UBE3C: variants seen among roughly 807,000 people sequenced by gnomAD.
UBE3C encodes the protein ubiquitin protein ligase E3C, also known as ubiquitin-protein ligase E3C.
In UBE3C, 42 loss-of-function variants were observed where a neutral mutation model predicts 129.4. The observed-to-expected ratio is 0.32, with a 90% confidence interval of 0.25 to 0.42. The LOEUF is 0.42. Among genes scored for constraint, UBE3C ranks in the 10% least tolerant of loss-of-function variants. The pLI, the probability that UBE3C is intolerant of heterozygous loss-of-function variation, is 1.00. For missense variants in UBE3C, 1,049 were observed against 1,319.1 expected (o/e 0.80, Z 3.17); for synonymous variants, 510 against 492.4 (o/e 1.04, Z -0.47).
chr7:157,159,723 C>T (rs1279403599), intron 1 of UBE3C, among the ~76,000 whole-genome samples: 3 of 152,056 alleles, frequency 2.0e-5, no homozygotes, highest in South Asian at 4.1e-4. Context: ...CAGAAACAGC[C>T]GAGCGTGGTG....
chr7:157,168,283 G>A (rs988992687), intron 2 of UBE3C, among the ~76,000 whole-genome samples: 1 of 150,978 alleles, frequency 6.6e-6, no homozygotes, highest in African/African-American at 2.4e-5. Context: ...CCCAGGAGGC[G>A]GAGCTTGCAG....
intron 19 of UBE3C, among the ~76,000 whole-genome samples, chr7:157,250,982 TA>T (rs1451817630): frequency 6.6e-6 from 1 of 152,220 alleles, no homozygotes; most frequent in Admixed American, 6.5e-5. Flanking sequence ...TGGAATCTGT[TA>T]AAAGCAAAAG....
chr7:157,236,937 G>A (rs1437616737), intron 18 of UBE3C, among the ~76,000 whole-genome samples: 1 of 151,880 alleles, frequency 6.6e-6, no homozygotes, highest in Admixed American at 6.6e-5. Flanking sequence ...TCATCATGTT[G>A]GCCAAGCTGG....
At chr7:157,246,270 G>C (rs1005445492) in intron 18 of UBE3C, among the ~76,000 whole-genome samples, 1 of 152,194 alleles carries the variant, frequency 6.6e-6, no homozygotes, top group South Asian at 2.1e-4. Flanking sequence ...ACGGTAACTG[G>C]TTGGAAGCTG....
chr7:157,225,604 G>T lies in UBE3C; in HGVS notation c.2233+65G>T. 3 of 1,472,860 alleles carry T rather than the reference G, an allele frequency of 2.0e-6. No homozygotes were observed. The African/African-American group carries it at 4.3e-5, about 21-fold the overall frequency. 91.2% of individuals were successfully genotyped at this position (1,472,860 alleles called of 1,614,324 possible). A position where few individuals can be genotyped will look rare whatever the true frequency, so the allele number is the denominator to read the frequency against. On this transcript the variant is annotated intron_variant, in intron 17 of 22. Transcript: ENST00000348165. Reference sequence around the variant, plus strand: ...GGCTAGGGAATTGTTTTAGAAAATGGTGGTTCTTTAAAAATTAGTGTCCAT... The same window carrying T: ...GGCTAGGGAATTGTTTTAGAAAATGTTGGTTCTTTAAAAATTAGTGTCCAT...
chr7:157,193,865 A>G (rs1417023519), intron 10 of UBE3C, among the ~76,000 whole-genome samples: 6 of 152,214 alleles, frequency 3.9e-5, no homozygotes, highest in African/African-American at 1.2e-4. Context: ...GCAAAACACT[A>G]CATAGCACAC....
chr7:157,145,241 CAAA>C (rs1025226057), intron 1 of UBE3C, among the ~76,000 whole-genome samples: 1 of 148,616 alleles, frequency 6.7e-6, no homozygotes, highest in Non-Finnish European at 1.5e-5. Context: ...ACTCTGTCTC[CAAA>C]AAAAAGAAAA....
intron 13 of UBE3C, among the ~76,000 whole-genome samples, chr7:157,208,290 G>C (rs781206027): frequency 6.6e-6 from 1 of 151,688 alleles, no homozygotes; most frequent in Non-Finnish European, 1.5e-5. Context: ...TACCCAGGCT[G>C]GTCTCAAATT....
chr7:157,180,883 A>C (rs1586668134), intron 6 of UBE3C, among the ~76,000 whole-genome samples: 1 of 152,168 alleles, frequency 6.6e-6, no homozygotes, highest in East Asian at 1.9e-4. Context: ...TCTGGAGAAA[A>C]GGCTGATTGT....
intron 3 of UBE3C, 60 bp from the exon 4 acceptor site, chr7:157,170,244 A>T: frequency 7.4e-7 from 1 of 1,346,838 alleles, no homozygotes; most frequent in East Asian, 2.8e-5. Flanking sequence ...TATTTACATC[A>T]TAAGAATTGT....
rs140686645 is a variant in UBE3C at position 157,205,306 on chromosome 7, A to G, written c.1419-2092A>G. ...TTTCACAGGGGGTTTGAAGAGGACA[A>G]ATAAGTTTTTGTTGGTTAATTACCC... On this transcript the variant is annotated intron_variant, in intron 11 of 22. Coordinates refer to ENST00000348165, the MANE Select transcript of UBE3C (RefSeq NM_014671.3). Among the ~76,000 whole-genome samples the G allele has an allele frequency of 2.0e-5, 3 of 152,268 alleles. No individual in the cohort carries two copies. In the East Asian group the frequency reaches 5.8e-4, roughly 29 times the overall value.
chr7:157,192,229 C>T (rs538486915), intron 10 of UBE3C: 4 of 306,810 alleles, frequency 1.3e-5, no homozygotes, highest in Non-Finnish European at 2.5e-5. Flanking sequence ...AATATGAGTA[C>T]ACTTGGAAGA....
At chr7:157,236,145 C>T (rs1195359822) in intron 18 of UBE3C, among the ~76,000 whole-genome samples, 1 of 152,220 alleles carries the variant, frequency 6.6e-6, no homozygotes. Flanking sequence ...ATTCTTGCTT[C>T]TGGTGTGGGT....
intron 14 of UBE3C, 154 bp downstream of exon 14, chr7:157,217,125 ACTT>A: frequency 1.8e-6 from 1 of 562,900 alleles, no homozygotes; most frequent in Non-Finnish European, 3.1e-6. Context: ...TCTTACGCCA[ACTT>A]CTTAATGGAA....
chr7:157,244,855 G>A (rs946084264), intron 18 of UBE3C, among the ~76,000 whole-genome samples: 46 of 152,138 alleles, frequency 3.0e-4, no homozygotes, highest in Non-Finnish European at 3.5e-4. Flanking sequence ...TATACCTATT[G>A]CTATTTTTTT....
chr7:157,139,425 G>T, intron 1 of UBE3C, 87 bp downstream of exon 1: 2 of 1,277,264 alleles, frequency 1.6e-6, no homozygotes, highest in South Asian at 1.7e-5. Context: ...ACTCGGGGCT[G>T]GACTCGGGGC....
chr7:157,238,392 C>T (rs6962133), intron 18 of UBE3C, among the ~76,000 whole-genome samples: 8,792 of 151,606 alleles, frequency 0.058, 605 homozygotes, highest in African/African-American at 0.16. Context: ...AGTGTCACAT[C>T]GTTCAGGTGG....
At chr7:157,169,209 G>A in intron 3 of UBE3C, 87 bp downstream of exon 3, 2 of 981,784 alleles carry the variant, frequency 2.0e-6, no homozygotes, top group Non-Finnish European at 3.1e-6. Flanking sequence ...GTTAATTGAA[G>A]TCAATGCTGA....
rs11390914 is a variant in UBE3C at position 157,186,415 on chromosome 7, CA to C, written c.1144-405del. 8.5e-3 allele frequency among the ~76,000 whole-genome samples: 1,147 copies of C among 135,626 alleles called. 15 individuals carry two copies. Among genetic ancestry groups the C allele is most frequent in the African/African-American group, 0.027 (972 of 35,986 alleles). The allele number at this position is 135,626 out of a possible 152,430, so 89.0% of individuals were successfully genotyped here. ...TCTGGGTGACAGAGCAAGACTGTCTCAAAAAAAAAAAAAATTTATGTAATAC... is the reference window on the plus strand; with the variant it reads ...TCTGGGTGACAGAGCAAGACTGTCTCAAAAAAAAAAAAATTTATGTAATAC... On this transcript the variant is annotated intron_variant, in intron 9 of 22. Transcript: ENST00000348165.
Sources: allele counts gnomAD v4.1 joint callset (sites outside exome capture counted in the v4.1 genomes callset), GRCh38; gene constraint gnomAD v4.1.1; transcripts MANE v1.5; gene names NCBI Gene and HGNC (gene_info 2026-07-23, HGNC 2026-07-21).